Variants in COL25A1 observed in about 807,000 individuals in gnomAD.
COL25A1 encodes collagen alpha-1(XXV) chain.
Under a neutral mutation model 128.4 loss-of-function variants are expected in COL25A1, and 103 were observed. The ratio of observed to expected loss-of-function variants is 0.80; its 90% confidence interval spans 0.68 to 0.94. COL25A1 has a LOEUF of 0.94. Ranked by LOEUF, COL25A1 falls within the 40% of genes least tolerant of loss-of-function variation. COL25A1 has a pLI of 0.00. For missense variants in COL25A1, 745 were observed against 840.0 expected (o/e 0.89, Z 1.40); for synonymous variants, 279 against 277.2 (o/e 1.01, Z -0.06).
At chr4:109,095,098 A>G (rs552668241) in intron 3 of COL25A1, among the ~76,000 whole-genome samples, 5 of 152,358 alleles carry the variant, frequency 3.3e-5, no homozygotes, top group African/African-American at 9.6e-5. Context: ...TAACGTTGCA[A>G]TACACTGAAA....
intron 3 of COL25A1, among the ~76,000 whole-genome samples, chr4:109,225,193 C>T (rs1778720912): frequency 6.6e-6 from 1 of 152,100 alleles, no homozygotes; most frequent in South Asian, 2.1e-4. Flanking sequence ...AAATAATCCA[C>T]AAAGAACTCT....
At chr4:109,067,988 A>G (rs1762598612) in intron 3 of COL25A1, among the ~76,000 whole-genome samples, 1 of 152,154 alleles carries the variant, frequency 6.6e-6, no homozygotes, top group African/African-American at 2.4e-5. Context: ...TCAAAGATGC[A>G]ACAATAATCG....
chr4:109,235,845 G>C (rs1418192030), intron 3 of COL25A1, among the ~76,000 whole-genome samples: 1 of 151,914 alleles, frequency 6.6e-6, no homozygotes, highest in Non-Finnish European at 1.5e-5. Context: ...CTATGGTGAA[G>C]GTATTCATTA....
chr4:108,826,058 T>C (rs1466666641), intron 33 of COL25A1, among the ~76,000 whole-genome samples: 1 of 152,180 alleles, frequency 6.6e-6, no homozygotes, highest in Non-Finnish European at 1.5e-5. Context: ...AGCACTGAGG[T>C]AATCATGGTT....
At chr4:109,097,043 G>A (rs960541822) in intron 3 of COL25A1, among the ~76,000 whole-genome samples, 1 of 152,186 alleles carries the variant, frequency 6.6e-6, no homozygotes, top group Non-Finnish European at 1.5e-5. Flanking sequence ...AGTTACTTCA[G>A]GTTACTTTCT....
rs549485305 is a variant in COL25A1, at chr4:109,198,997, A to G, written c.367+101586T>C. ...GATAGCAGGGAATATTTTAACATGG[A>G]GGTGCACAGGTAGAAGGAGATAAAC... On this transcript the variant is annotated intron_variant, in intron 3 of 37. Transcript: ENST00000399132. Among the ~76,000 whole-genome samples, 1,290 of 152,298 alleles carry G rather than the reference A, an allele frequency of 8.5e-3. 57 individuals are homozygous for G. The South Asian group carries it at 0.14, about 16-fold the overall frequency.
chr4:108,835,861 C>CTTTTTTTTTTTATTTTTTT (rs1733731563), intron 31 of COL25A1, among the ~76,000 whole-genome samples: 1 of 45,698 alleles, frequency 2.2e-5, no homozygotes, highest in Non-Finnish European at 3.7e-5. Flanking sequence ...TTACATACGT[C>CTTTTTTTTTTTATTTTTTT]TTTTTTTTTT....
intron 3 of COL25A1, among the ~76,000 whole-genome samples, chr4:109,072,730 G>A (rs572895553): frequency 6.6e-5 from 10 of 152,238 alleles, no homozygotes; most frequent in African/African-American, 2.4e-4. Context: ...ACAACACCAT[G>A]ACCACTATGC....
chr4:108,990,229 A>T (rs1579002832), intron 6 of COL25A1, among the ~76,000 whole-genome samples: 1 of 72,332 alleles, frequency 1.4e-5, no homozygotes, highest in East Asian at 6.0e-4. Context: ...AAAAAAAAAA[A>T]AAAAAAAAAA....
intron 3 of COL25A1, among the ~76,000 whole-genome samples, chr4:109,112,865 A>G (rs1349625473): frequency 1.3e-5 from 2 of 152,142 alleles, no homozygotes; most frequent in Non-Finnish European, 2.9e-5. Flanking sequence ...AGAATGAAAA[A>G]GTCTGTTGAA....
rs1173611792 is a variant in COL25A1, at chr4:108,811,477, C to G, written c.*2450G>C. The G allele has an allele frequency of 1.3e-5, 2 of 151,950 alleles. No homozygotes were observed. The highest frequency in any genetic ancestry group is 2.9e-5 in the Non-Finnish European group (2 of 67,924). The allele number at this position is 151,950 out of a possible 1,614,324, so 9.4% of individuals were successfully genotyped here. On this transcript the variant is annotated 3_prime_UTR_variant, in exon 38 of 38. Transcript: ENST00000399132. ...TTCTTTTGATGTTGAGGTATCGTCTCCTGAAGCTGTGCAAGTTTTAAATAG... is the reference window on the plus strand; with the variant it reads ...TTCTTTTGATGTTGAGGTATCGTCTGCTGAAGCTGTGCAAGTTTTAAATAG...
chr4:109,146,141 T>C (rs1770924675), intron 3 of COL25A1, among the ~76,000 whole-genome samples: 2 of 152,238 alleles, frequency 1.3e-5, no homozygotes, highest in South Asian at 2.1e-4. Context: ...CAGTTTGGAA[T>C]GACTTTTTAA....
intron 3 of COL25A1, among the ~76,000 whole-genome samples, chr4:109,184,190 G>A (rs1774924844): frequency 6.6e-6 from 1 of 152,152 alleles, no homozygotes; most frequent in Admixed American, 6.6e-5. Flanking sequence ...TGCTAAACCA[G>A]GCACTTTAAT....
At chr4:108,933,790 A>C (rs1747055967) in intron 11 of COL25A1, among the ~76,000 whole-genome samples, 1 of 152,054 alleles carries the variant, frequency 6.6e-6, no homozygotes, top group Admixed American at 6.6e-5. Context: ...CTATAGTCAT[A>C]CACCACTAAG....
chr4:109,000,743 C>CAAAAAAAAAAAAAAAAAAAAA (rs1180104512), intron 6 of COL25A1, among the ~76,000 whole-genome samples: 3 of 36,428 alleles, frequency 8.2e-5, no homozygotes, highest in African/African-American at 3.4e-4. Context: ...GAGACTCTGT[C>CAAAAAAAAAAAAAAAAAAAAA]AAAAAAAAAA....
chr4:108,981,555 T>A (rs1266374806), intron 6 of COL25A1, among the ~76,000 whole-genome samples: 1 of 152,176 alleles, frequency 6.6e-6, no homozygotes, highest in East Asian at 1.9e-4. Flanking sequence ...TAAAAAAAAG[T>A]GAAAGTAGAA....
chr4:109,089,851 T>C (rs1352497842), intron 3 of COL25A1, among the ~76,000 whole-genome samples: 1 of 152,142 alleles, frequency 6.6e-6, no homozygotes, highest in Non-Finnish European at 1.5e-5. Context: ...GCAATCTGCC[T>C]GACTCGGCTT....
intron 3 of COL25A1, among the ~76,000 whole-genome samples, chr4:109,199,080 T>C (rs1776347641): frequency 6.6e-6 from 1 of 152,198 alleles, no homozygotes; most frequent in Non-Finnish European, 1.5e-5. Flanking sequence ...CACTTTCTAT[T>C]TCCTCCTTAA....
intron 3 of COL25A1, among the ~76,000 whole-genome samples, chr4:109,104,877 G>A (rs1036036031): frequency 1.3e-5 from 2 of 152,106 alleles, no homozygotes; most frequent in Non-Finnish European, 2.9e-5. Flanking sequence ...CTAGTGATAA[G>A]AAATTGCCAT....
Sources: gnomAD v4.1 joint callset for allele counts (sites outside exome capture counted in the v4.1 genomes callset) on GRCh38, gnomAD v4.1.1 for gene constraint, MANE v1.5 for transcripts, NCBI Gene and HGNC (gene_info 2026-07-23, HGNC 2026-07-21) for gene names.